Variants in CACNA1C observed in about 807,000 individuals in gnomAD.
CACNA1C encodes the protein calcium voltage-gated channel subunit alpha1 C.
A neutral mutation model predicts 229.0 loss-of-function variants in CACNA1C; 30 were observed. The ratio of observed to expected loss-of-function variants is 0.13; its 90% confidence interval spans 0.10 to 0.18. CACNA1C has a LOEUF of 0.18. CACNA1C is among the 10% of genes least tolerant of loss of function. CACNA1C has a pLI of 1.00. For missense variants in CACNA1C, 1,658 were observed against 2,845.0 expected, an observed-to-expected ratio of 0.58 and a Z score of 9.49; for synonymous variants, 1,114 against 1,132.5, an observed-to-expected ratio of 0.98 and a Z score of 0.33.
intron 1 of CACNA1C, among the ~76,000 whole-genome samples, chr12:2,099,393 G>A (rs2154097849): frequency 6.6e-6 from 1 of 152,118 alleles, no homozygotes. Flanking sequence ...GGTGTGCTGA[G>A]TTCTTATGGG....
At chr12:2,282,501 C>T (rs2091597480) in intron 3 of CACNA1C, among the ~76,000 whole-genome samples, 1 of 152,198 alleles carries the variant, frequency 6.6e-6, no homozygotes, top group Non-Finnish European at 1.5e-5. Flanking sequence ...CGGAAGAAAA[C>T]TCAGGCTCCC....
chr12:2,688,912 CT>C, intron 46 of CACNA1C, 133 bp downstream of exon 46: 1 of 748,562 alleles, frequency 1.3e-6, no homozygotes, highest in East Asian at 2.7e-5. Flanking sequence ...AAGACCCTCC[CT>C]CTCAGGGCTG....
intron 1 of CACNA1C, chr12:1,992,889 C>T: frequency 2.0e-6 from 1 of 488,818 alleles, no homozygotes; most frequent in Non-Finnish European, 3.6e-6. Flanking sequence ...GAAAAAGTGC[C>T]ATAGCAGACT....
intron 37 of CACNA1C, chr12:2,668,407 C>G (rs1046805064): frequency 2.6e-5 from 4 of 153,242 alleles, no homozygotes; most frequent in Admixed American, 2.6e-4. Context: ...CCTGCCCACT[C>G]CAGCAACACC....
chr12:2,309,649 T>C (rs1285671483), intron 3 of CACNA1C, among the ~76,000 whole-genome samples: 1 of 152,124 alleles, frequency 6.6e-6, no homozygotes, highest in African/African-American at 2.4e-5. Flanking sequence ...GGTAAAACTG[T>C]AAACTATAGC....
intron 5 of CACNA1C, among the ~76,000 whole-genome samples, chr12:2,469,343 C>CG (rs1167146644): frequency 1.3e-5 from 2 of 152,090 alleles, no homozygotes; most frequent in Non-Finnish European, 2.9e-5. Flanking sequence ...TGCCAGGCAT[C>CG]GAGCCACGCG....
intron 3 of CACNA1C, among the ~76,000 whole-genome samples, chr12:2,291,301 C>T (rs755032417): frequency 3.3e-5 from 5 of 152,142 alleles, no homozygotes; most frequent in Non-Finnish European, 5.9e-5. Context: ...CCAAAACAAT[C>T]AAAATGGAAC....
chr12:2,186,609 G>A (rs2097021117), intron 3 of CACNA1C, among the ~76,000 whole-genome samples: 1 of 152,154 alleles, frequency 6.6e-6, no homozygotes, highest in African/African-American at 2.4e-5. Flanking sequence ...ATTGATCCCT[G>A]ACTTGTTCAT....
intron 1 of CACNA1C, among the ~76,000 whole-genome samples, chr12:2,005,366 G>C (rs1360384461): frequency 6.6e-5 from 10 of 152,110 alleles, no homozygotes; most frequent in Non-Finnish European, 1.3e-4. Flanking sequence ...GTTGTAGGCC[G>C]AATTCATGTT....
chr12:2,318,952 G>A (rs898375264), intron 3 of CACNA1C, among the ~76,000 whole-genome samples: 2 of 151,262 alleles, frequency 1.3e-5, no homozygotes, highest in African/African-American at 4.9e-5. Context: ...CAGGCAGGGA[G>A]GGAGGCCTAC....
chr12:2,608,001 T>G lies in CACNA1C; in HGVS notation c.3357-510T>G, dbSNP rs2076123758. 6.5e-6 allele frequency: 1 copy of G among 153,162 alleles called. No homozygotes were observed. Among genetic ancestry groups the G allele is most frequent in the South Asian group, 2.1e-4 (1 of 4,838 alleles). The allele number at this position is 153,162 out of a possible 1,614,324, so 9.5% of individuals were successfully genotyped here. A position where few individuals can be genotyped will look rare whatever the true frequency, so the allele number is the denominator to read the frequency against. On this transcript the variant is annotated intron_variant, in intron 26 of 46. Transcript: ENST00000399655. This position sits in a 1 kb window ranked among gnomAD's most constrained non-coding sequence, Gnocchi z 4.2. ...AGCCCAGGCTCAAATGAATGGCATA[T>G]GTATGTAAACTGCTTATGTCTAAAA... is the stretch of plus-strand genomic sequence containing the variant.
At chr12:2,425,460 A>G (rs2099020880) in intron 3 of CACNA1C, among the ~76,000 whole-genome samples, 1 of 152,232 alleles carries the variant, frequency 6.6e-6, no homozygotes. Context: ...TTTATAACAT[A>G]GAATTTGTTA....
chr12:2,426,105 G>A (rs1490973141), intron 3 of CACNA1C, among the ~76,000 whole-genome samples: 1 of 152,154 alleles, frequency 6.6e-6, no homozygotes, highest in Non-Finnish European at 1.5e-5. Flanking sequence ...GGGAACACTG[G>A]TGAGAACTAA....
At chr12:2,378,661 G>A (rs114863715) in intron 3 of CACNA1C, among the ~76,000 whole-genome samples, 2,662 of 152,278 alleles carry the variant, frequency 0.017, 71 homozygotes, top group African/African-American at 0.061. Context: ...AAATAAGGTC[G>A]GGGATAAAAT....
chr12:2,043,642 C>CTTTT lies in CACNA1C; in HGVS notation c.140-71561_140-71558dup, dbSNP rs67625680. On this transcript the variant is annotated intron_variant, in intron 1 of 46. Coordinates refer to the CACNA1C transcript ENST00000682462. ...CCAGAGGAGAAGAAAACAGAATATTCTTTTTTTTTTTTTTTTTTTTTTTTG... is the reference window on the plus strand; with the variant it reads ...CCAGAGGAGAAGAAAACAGAATATTCTTTTTTTTTTTTTTTTTTTTTTTTTTTTG... 5.9e-4 allele frequency among the ~76,000 whole-genome samples: 54 copies of CTTTT among 91,384 alleles called. 1 individual carries two copies. The highest frequency in any genetic ancestry group is 7.9e-4 in the Non-Finnish European group (39 of 49,392). The allele number at this position is 91,384 out of a possible 152,430, so 60.0% of individuals were successfully genotyped here. A position where few individuals can be genotyped will look rare whatever the true frequency, so the allele number is the denominator to read the frequency against.
At chr12:2,126,134 A>C (rs993855338) in intron 3 of CACNA1C, among the ~76,000 whole-genome samples, 6 of 151,924 alleles carry the variant, frequency 3.9e-5, no homozygotes, top group African/African-American at 7.3e-5. Context: ...TTTTTTTTAA[A>C]AGATCTCTCT....
In CACNA1C at chr12:2,067,261, A is replaced by G. The variant is rs1443035717; in HGVS notation, c.49+13650A>G. ...GGGAGTCAGGGAGTCTGAATCCCCC[A>G]GCCTGCCTCCATCCCAGGTGGATTA... is the stretch of plus-strand genomic sequence containing the variant. On this transcript the variant is annotated intron_variant, in intron 1 of 46. Transcript: ENST00000399655. The surrounding 1 kb of genome is among the most constrained non-coding windows in gnomAD (Gnocchi z 5.3). 2.0e-5 allele frequency among the ~76,000 whole-genome samples: 3 copies of G among 152,126 alleles called. No individual in the cohort carries two copies. The highest frequency in any genetic ancestry group is 7.2e-5 in the African/African-American group (3 of 41,420).
In CACNA1C at chr12:2,488,115, G is replaced by C. The variant is rs535051414; in HGVS notation, c.916+1853G>C. On this transcript the variant is annotated intron_variant, in intron 6 of 46. Coordinates refer to ENST00000399655, the MANE Select transcript of CACNA1C (RefSeq NM_000719.7). This position sits in a 1 kb window ranked among gnomAD's most constrained non-coding sequence, Gnocchi z 4.0. ...AGAATTCAGCCATCGAGCCAAAGAT[G>C]GCGGCCCTGCTGTGCAATCAGAGGT... Among the ~76,000 whole-genome samples the C allele has an allele frequency of 6.6e-6, 1 of 152,336 alleles. No homozygotes were observed. The highest frequency in any genetic ancestry group is 2.1e-4 in the South Asian group (1 of 4,826).
chr12:2,442,602 G>A (rs760608031), intron 3 of CACNA1C, among the ~76,000 whole-genome samples: 40 of 152,150 alleles, frequency 2.6e-4, no homozygotes, highest in Non-Finnish European at 5.0e-4. Flanking sequence ...GTATTGGGCC[G>A]TTGTTGCAGT....
Sources: gnomAD v4.1 joint callset for allele counts (sites outside exome capture counted in the v4.1 genomes callset) on GRCh38, gnomAD v4.1.1 for gene constraint, Gnocchi (gnomAD v3.1) non-coding constraint, MANE v1.5 for transcripts, NCBI Gene and HGNC (gene_info 2026-07-23, HGNC 2026-07-21) for gene names.